Variants in PPP2R2B observed in about 807,000 individuals in gnomAD.
PPP2R2B encodes the protein protein phosphatase 2 regulatory subunit Bbeta.
PPP2R2B carries 5 observed loss-of-function variants against 46.0 expected under a neutral mutation model. That is an observed-to-expected ratio of 0.11 (90% confidence interval 0.06 to 0.23). The LOEUF (loss-of-function observed/expected upper bound fraction) is 0.23, where lower values mean the gene tolerates loss of function less well. Ranked by LOEUF, PPP2R2B falls within the 10% of genes least tolerant of loss-of-function variation. The pLI, the probability that PPP2R2B is intolerant of heterozygous loss-of-function variation, is 1.00. For synonymous variants in PPP2R2B, 215 were observed against 206.7 expected, an observed-to-expected ratio of 1.04 and a Z score of -0.34; for missense variants, 367 against 575.0, an observed-to-expected ratio of 0.64 and a Z score of 3.70.
intron 7 of PPP2R2B, among the ~76,000 whole-genome samples, chr5:146,636,424 T>A (rs891377248): frequency 2.0e-5 from 3 of 152,244 alleles, no homozygotes; most frequent in African/African-American, 7.2e-5. Context: ...AAAATTCACA[T>A]GAATTTTTAG....
intron 5 of PPP2R2B, among the ~76,000 whole-genome samples, chr5:146,655,113 G>A (rs573677767): frequency 4.6e-5 from 7 of 152,220 alleles, no homozygotes; most frequent in South Asian, 2.1e-4. Flanking sequence ...GATGTCCCCC[G>A]ATTCAGGTGC....
intron 2 of PPP2R2B, among the ~76,000 whole-genome samples, chr5:146,838,277 G>A (rs950494561): frequency 1.3e-5 from 2 of 152,030 alleles, no homozygotes; most frequent in Admixed American, 1.3e-4. Context: ...CAAGGTTACA[G>A]ACTTAGAAGG....
At chr5:146,944,876 ATAGT>A (rs1188224280) in intron 1 of PPP2R2B, among the ~76,000 whole-genome samples, 1 of 152,116 alleles carries the variant, frequency 6.6e-6, no homozygotes, top group Non-Finnish European at 1.5e-5. Context: ...GAGGAGTCTA[ATAGT>A]TTGTTTTCAT....
intron 2 of PPP2R2B, among the ~76,000 whole-genome samples, chr5:146,702,537 C>A (rs1275305686): frequency 6.6e-6 from 1 of 152,212 alleles, no homozygotes; most frequent in Admixed American, 6.5e-5. Context: ...GGGCAAGAGG[C>A]TATTCAGCTT....
chr5:146,829,720 T>C (rs1191659332), intron 2 of PPP2R2B, among the ~76,000 whole-genome samples: 1 of 152,162 alleles, frequency 6.6e-6, no homozygotes, highest in African/African-American at 2.4e-5. Context: ...CCAGGATGTC[T>C]CAAACTATCC....
chr5:147,000,902 C>A (rs1368068067), intron 1 of PPP2R2B, among the ~76,000 whole-genome samples: 1 of 152,096 alleles, frequency 6.6e-6, no homozygotes, highest in Non-Finnish European at 1.5e-5. Flanking sequence ...TTCAAGGCAG[C>A]ATATTATAAA....
At chr5:146,710,691 T>A (rs1056082008) in intron 2 of PPP2R2B, among the ~76,000 whole-genome samples, 1 of 152,220 alleles carries the variant, frequency 6.6e-6, no homozygotes, top group Admixed American at 6.5e-5. Flanking sequence ...GCTCAGGCAA[T>A]ACAAACTCTG....
chr5:146,683,942 T>C (rs989566846), intron 5 of PPP2R2B, among the ~76,000 whole-genome samples: 2 of 152,210 alleles, frequency 1.3e-5, no homozygotes, highest in Non-Finnish European at 2.9e-5. Context: ...AGTCAATCAA[T>C]GAGAGATCTC....
chr5:147,040,470 C>T (rs1185465901), intron 1 of PPP2R2B, among the ~76,000 whole-genome samples: 1 of 152,010 alleles, frequency 6.6e-6, no homozygotes, highest in East Asian at 1.9e-4. Context: ...AAGCTTAGCC[C>T]AGGTCAGTTA....
intron 2 of PPP2R2B, among the ~76,000 whole-genome samples, chr5:146,839,195 G>A (rs1444674963): frequency 1.3e-5 from 2 of 152,132 alleles, no homozygotes; most frequent in African/African-American, 4.8e-5. Context: ...CAATACTCAA[G>A]TCAAATACAT....
At chr5:146,725,550 A>G (rs1751813882) in intron 2 of PPP2R2B, among the ~76,000 whole-genome samples, 1 of 152,234 alleles carries the variant, frequency 6.6e-6, no homozygotes, top group Non-Finnish European at 1.5e-5. Flanking sequence ...TAAGTTGACC[A>G]TAAAACACTG....
At chr5:146,637,914 C>T (rs1166335563) in intron 7 of PPP2R2B, among the ~76,000 whole-genome samples, 7 of 152,210 alleles carry the variant, frequency 4.6e-5, no homozygotes, top group African/African-American at 1.2e-4. Flanking sequence ...CACCCTTCAA[C>T]GGTCTCCTAA....
chr5:146,734,150 G>A (rs1752401529), intron 2 of PPP2R2B, among the ~76,000 whole-genome samples: 1 of 151,724 alleles, frequency 6.6e-6, no homozygotes, highest in Non-Finnish European at 1.5e-5. Context: ...AACTTCCCTG[G>A]CTCAAGCAGA....
At chr5:147,036,881 A>T (rs1756064187) in intron 1 of PPP2R2B, among the ~76,000 whole-genome samples, 1 of 152,174 alleles carries the variant, frequency 6.6e-6, no homozygotes, top group South Asian at 2.1e-4. Context: ...GTTGCAATGG[A>T]GAGGAAGTAT....
At position 146,747,894 on chromosome 5, in the gene PPP2R2B, T is replaced by G. The variant is rs573092227; in HGVS notation, c.71-46752A>C. Among the ~76,000 whole-genome samples, 6 of 152,168 alleles carry G rather than the reference T, an allele frequency of 3.9e-5. 1 individual carries two copies. In the South Asian group the frequency reaches 1.2e-3, roughly 32 times the overall value. On this transcript the variant is annotated intron_variant, in intron 2 of 9. Coordinates refer to ENST00000394411, the MANE Select transcript of PPP2R2B (RefSeq NM_181675.4). ...GGCCCAAGAACAGCATGAAAAAAAT[T>G]AGGACGATACGAAGGGTGATATGAA...
At chr5:146,676,293 C>T (rs892273762) in intron 5 of PPP2R2B, among the ~76,000 whole-genome samples, 1 of 152,116 alleles carries the variant, frequency 6.6e-6, no homozygotes, top group Non-Finnish European at 1.5e-5. Context: ...CGAGGGCTTG[C>T]ATTGCTCATG....
chr5:146,710,902 A>G (rs1283612223), intron 2 of PPP2R2B, among the ~76,000 whole-genome samples: 2 of 152,234 alleles, frequency 1.3e-5, no homozygotes, highest in African/African-American at 4.8e-5. Flanking sequence ...TTGCTTTGCC[A>G]GATGTTCTGA....
Position 146,965,421 on chromosome 5 carries a change from A to G in PPP2R2B, c.79+90244T>C, listed in dbSNP as rs17463413. Among the ~76,000 whole-genome samples, 820 of 152,276 alleles carry G rather than the reference A, an allele frequency of 5.4e-3. 4 individuals are homozygous for G. Among genetic ancestry groups the G allele is most frequent in the Non-Finnish European group, 9.2e-3 (629 of 68,022 alleles). ...TTCAGGATAATGGGAAAGTGCAGAG[A>G]GTGGTTCAGGTGAACTGCAGTGGGA... On this transcript the variant is annotated intron_variant, in intron 1 of 8. Transcript: ENST00000336640.
intron 2 of PPP2R2B, among the ~76,000 whole-genome samples, chr5:146,752,387 T>C (rs534179915): frequency 6.6e-6 from 1 of 152,202 alleles, no homozygotes; most frequent in Non-Finnish European, 1.5e-5. Context: ...TTTGGAGACA[T>C]CTTCCCTGAC....
Sources: gnomAD v4.1 joint callset for allele counts (sites outside exome capture counted in the v4.1 genomes callset) on GRCh38, gnomAD v4.1.1 for gene constraint, MANE v1.5 for transcripts, NCBI Gene and HGNC (gene_info 2026-07-23, HGNC 2026-07-21) for gene names.